Variants in ADGRE3 observed in about 807,000 individuals in gnomAD.
ADGRE3 encodes adhesion G protein-coupled receptor E3, also known as EGF-like module receptor 3.
Under a neutral mutation model 80.1 loss-of-function variants are expected in ADGRE3, and 88 were observed. The ratio of observed to expected loss-of-function variants is 1.10; its 90% CI spans 0.93 to 1.31. The LOEUF is 1.31. Among genes scored for constraint, ADGRE3 ranks in the 40% most tolerant of loss-of-function variants. The pLI is 0.00. For missense variants in ADGRE3, 715 were observed against 776.5 expected (o/e 0.92, Z 0.94); for synonymous variants, 281 against 294.8 (o/e 0.95, Z 0.48).
chr19:14,606,917 G>T, the ADGRE3 span: 1 of 659,668 alleles, frequency 1.5e-6, no homozygotes, highest in African/African-American at 1.9e-5. Context: ...AAATATGTAG[G>T]ACAGGGCACA....
At chr19:14,621,066 C>A (rs1181433862) in intron 15 of ADGRE3, among the ~76,000 whole-genome samples, 1 of 152,010 alleles carries the variant, frequency 6.6e-6, no homozygotes, top group Non-Finnish European at 1.5e-5. Flanking sequence ...GTCGCCCAGG[C>A]TGGAGTGCAA....
intron 11 of ADGRE3, among the ~76,000 whole-genome samples, chr19:14,635,568 C>T (rs1199253172): frequency 6.6e-6 from 1 of 151,858 alleles, no homozygotes; most frequent in Admixed American, 6.6e-5. Context: ...CGCACCACCA[C>T]GCCCGGCTAA....
At chr19:14,645,334 G>A (rs1971368207) in intron 8 of ADGRE3, among the ~76,000 whole-genome samples, 1 of 152,154 alleles carries the variant, frequency 6.6e-6, no homozygotes, top group African/African-American at 2.4e-5. Flanking sequence ...GCATGATATA[G>A]GAAAGAAAAG....
rs546627316 is a variant in ADGRE3, at chr19:14,646,659, TCCTCCCTC to T, written c.882+514_882+521del. Among the ~76,000 whole-genome samples the T allele has an allele frequency of 2.0e-3, 171 of 85,330 alleles. 2 individuals carry two copies. Among genetic ancestry groups the T allele is most frequent in the South Asian group, 6.0e-3 (12 of 2,006 alleles). The allele number at this position is 85,330 out of a possible 152,430, so 56.0% of individuals were successfully genotyped here. On this transcript the variant is annotated intron_variant, in intron 8 of 15. Transcript: ENST00000253673. ...TTCTCAGTCACTTCCCTCTCTCTCT[TCCTCCCTC>T]CCTCCCTCCCTCCCTCCCTCCCTCC...
chr19:14,617,169 G>T (rs148926250), downstream of ADGRE3, among the ~76,000 whole-genome samples: 642 of 152,056 alleles, frequency 4.2e-3, 3 homozygotes, highest in African/African-American at 0.014. Context: ...AGATTAAGGG[G>T]AGACTTTTTG....
chr19:14,642,667 G>A (rs542604377), intron 9 of ADGRE3, among the ~76,000 whole-genome samples: 86 of 152,170 alleles, frequency 5.7e-4, no homozygotes, highest in African/African-American at 2.0e-3. Context: ...GTGAGAACAC[G>A]AGTATTTGGT....
chr19:14,607,052 G>T, the ADGRE3 span: 1 of 1,352,646 alleles, frequency 7.4e-7, no homozygotes, highest in Non-Finnish European at 9.6e-7. Flanking sequence ...TGAATGACAG[G>T]GCCCAGGAAG....
At chr19:14,601,225 G>A in the ADGRE3 span, among the ~76,000 whole-genome samples, 27 of 152,136 alleles carry the variant, frequency 1.8e-4, no homozygotes, top group Non-Finnish European at 2.8e-4. Context: ...TTTATGCTGC[G>A]GTAACAGACA....
intron 1 of ADGRE3, 29 bp downstream of exon 1, chr19:14,674,717 G>A (rs373434987): frequency 2.5e-6 from 4 of 1,610,282 alleles, no homozygotes; most frequent in Non-Finnish European, 3.4e-6. Flanking sequence ...GATAGGTTAA[G>A]CCTCAGTCAT....
rs759728344 is a variant in ADGRE3, at chr19:14,638,355, A to G, written c.1249-15T>C. ...GAGCACAGCACCTGGGGGAGGAGAA[A>G]GGGATGCCTGAAGGGGTTGTCAGGG... On this transcript the variant is annotated splice_polypyrimidine_tract_variant and intron_variant, in intron 10 of 15. Coordinates refer to ENST00000253673, the MANE Select transcript of ADGRE3 (RefSeq NM_032571.5). 11 of 1,606,052 alleles carry G rather than the reference A, an allele frequency of 6.8e-6. No individual in the cohort carries two copies. Among genetic ancestry groups the G allele is most frequent in the East Asian group, 2.2e-5 (1 of 44,806 alleles).
intron 7 of ADGRE3, among the ~76,000 whole-genome samples, chr19:14,647,618 A>C (rs1971451839): frequency 6.6e-6 from 1 of 151,202 alleles, no homozygotes; most frequent in Admixed American, 6.6e-5. Context: ...GGGTTTCACT[A>C]TGTTGGCCAG....
chr19:14,669,552 G>A (rs543356623), intron 1 of ADGRE3, among the ~76,000 whole-genome samples: 44 of 152,074 alleles, frequency 2.9e-4, no homozygotes, highest in Non-Finnish European at 5.9e-4. Context: ...GCAGTGGCGC[G>A]ATCTTGGCTC....
At chr19:14,626,273 A>G (rs1970737158) in intron 14 of ADGRE3, among the ~76,000 whole-genome samples, 1 of 151,952 alleles carries the variant, frequency 6.6e-6, no homozygotes, top group Admixed American at 6.6e-5. Flanking sequence ...TGTCTCTACT[A>G]AAAATACAAA....
chr19:14,641,380 T>C, intron 10 of ADGRE3, 39 bp downstream of exon 10: 3 of 1,612,192 alleles, frequency 1.9e-6, no homozygotes, highest in Non-Finnish European at 8.5e-7. Flanking sequence ...TCAGTGTACC[T>C]TGGGGCAGAA....
intron 11 of ADGRE3, among the ~76,000 whole-genome samples, chr19:14,635,998 TCTTTCTCTTTCTTTCTTCCTTC>T (rs1206304344): frequency 4.0e-5 from 1 of 24,972 alleles, no homozygotes; most frequent in African/African-American, 9.3e-5. Flanking sequence ...CCTTTCTCTC[TCTTTCTCTTTCTTTCTTCCTTC>T]CTTCCTTCCT....
chr19:14,664,943 T>A (rs1457273176), intron 2 of ADGRE3, among the ~76,000 whole-genome samples: 4 of 152,060 alleles, frequency 2.6e-5, no homozygotes, highest in Admixed American at 1.3e-4. Flanking sequence ...CATATGTGCA[T>A]CATTTTTCTT....
chr19:14,612,524 G>A, the ADGRE3 span, among the ~76,000 whole-genome samples: 43,006 of 151,718 alleles, frequency 0.28, 6,477 homozygotes, highest in Non-Finnish European at 0.34. Flanking sequence ...TTGTAGCAAC[G>A]GGGTTTCACC....
chr19:14,649,549 C>G (rs1004867693), intron 7 of ADGRE3, among the ~76,000 whole-genome samples: 1 of 149,070 alleles, frequency 6.7e-6, no homozygotes, highest in Non-Finnish European at 1.5e-5. Context: ...TCTTTCTCCC[C>G]ATCTCTCTCT....
At chr19:14,657,745 A>ATATTT (rs113050691) in intron 5 of ADGRE3, among the ~76,000 whole-genome samples, 152 of 126,192 alleles carry the variant, frequency 1.2e-3, no homozygotes, top group East Asian at 7.6e-3. Context: ...ATATATATAT[A>ATATTT]TTTTTTTGTT....
Sources: gnomAD v4.1 joint callset for allele counts (sites outside exome capture counted in the v4.1 genomes callset) on GRCh38, gnomAD v4.1.1 for gene constraint, MANE v1.5 for transcripts, NCBI Gene and HGNC (gene_info 2026-07-23, HGNC 2026-07-21) for gene names.